Variants in MAP4K5 observed in about 807,000 individuals in gnomAD.
MAP4K5 encodes the protein mitogen-activated protein kinase kinase kinase kinase 5.
MAP4K5 carries 82 observed loss-of-function variants against 135.6 expected under a neutral mutation model. The ratio of observed to expected loss-of-function variants is 0.60; its 90% CI spans 0.51 to 0.73. MAP4K5 has a LOEUF of 0.73. Ranked by LOEUF, MAP4K5 falls within the 30% of genes least tolerant of loss-of-function variation. MAP4K5 has a pLI of 0.00. For missense variants in MAP4K5, 907 were observed against 1,010.9 expected (o/e 0.90, Z 1.39); for synonymous variants, 347 against 335.0 (o/e 1.04, Z -0.39).
chr14:50,440,012 C>A lies in MAP4K5; in HGVS notation c.1705+1G>T. The A allele has an allele frequency of 6.5e-7, 1 of 1,542,676 alleles. No homozygotes were observed. Among genetic ancestry groups the A allele is most frequent in the Non-Finnish European group, 8.8e-7 (1 of 1,132,290 alleles). The stretch of plus-strand genomic sequence containing the variant: ...TTTATTTTTCATCATCACATACATA[C>A]CTGATAATGACATTAAAGTATTATT... On this transcript the variant is annotated splice_donor_variant, in intron 23 of 32. Transcript: ENST00000682126. LOFTEE classifies it high-confidence loss of function.
At position 50,435,116 on chromosome 14, in the gene MAP4K5, T is replaced by C. The variant is rs1383461881; in HGVS notation, c.1883-51A>G. On this transcript the variant is annotated intron_variant, in intron 26 of 32. Transcript: ENST00000682126. ...ACCCAGACACACTCAAAATACTGAA[T>C]ACTTTCATTGTATCTGTTAACCAGG... 7.8e-6 allele frequency: 7 copies of C among 897,142 alleles called. No individual in the cohort carries two copies. In the African/African-American group the frequency reaches 1.2e-4, roughly 15 times the overall value. The allele number at this position is 897,142 out of a possible 1,614,324, so 55.6% of individuals were successfully genotyped here.
chr14:50,527,324 G>A (rs750451697), intron 2 of MAP4K5, among the ~76,000 whole-genome samples: 5 of 150,836 alleles, frequency 3.3e-5, no homozygotes, highest in African/African-American at 4.9e-5. Context: ...TGGCGACACT[G>A]CAAGACTCCG....
intron 3 of MAP4K5, among the ~76,000 whole-genome samples, chr14:50,493,538 T>A (rs1038496983): frequency 2.2e-4 from 34 of 152,018 alleles, no homozygotes; most frequent in Non-Finnish European, 4.0e-4. Context: ...GATGACACGA[T>A]CATATGTATA....
intron 31 of MAP4K5, among the ~76,000 whole-genome samples, chr14:50,424,645 G>T (rs781181534): frequency 1.3e-5 from 2 of 149,326 alleles, no homozygotes; most frequent in South Asian, 4.2e-4. Context: ...AGGAGGTGGA[G>T]GTTGCAGTGA....
chr14:50,436,794 G>C (rs1010182962), intron 26 of MAP4K5, among the ~76,000 whole-genome samples: 1 of 152,148 alleles, frequency 6.6e-6, no homozygotes, highest in African/African-American at 2.4e-5. Context: ...ATTAACCATA[G>C]GGAGAGGACA....
intron 2 of MAP4K5, among the ~76,000 whole-genome samples, chr14:50,513,895 A>G (rs936012116): frequency 6.6e-6 from 1 of 152,202 alleles, no homozygotes; most frequent in East Asian, 1.9e-4. Flanking sequence ...AGTCATAATT[A>G]TGTATTCCAG....
intron 11 of MAP4K5, 117 bp downstream of exon 11, chr14:50,466,466 T>C: frequency 2.0e-6 from 1 of 496,546 alleles, no homozygotes; most frequent in Non-Finnish European, 3.7e-6. Flanking sequence ...CTGTGTAACT[T>C]TGAGAAAACT....
chr14:50,507,541 TG>T (rs1379612582), intron 2 of MAP4K5, among the ~76,000 whole-genome samples: 1 of 152,256 alleles, frequency 6.6e-6, no homozygotes, highest in African/African-American at 2.4e-5. Flanking sequence ...GATTCTGGTA[TG>T]TTGTGTCTTT....
intron 3 of MAP4K5, among the ~76,000 whole-genome samples, chr14:50,494,191 CAG>C (rs1285454022): frequency 1.3e-5 from 2 of 150,978 alleles, no homozygotes; most frequent in African/African-American, 4.9e-5. Context: ...TTTTTTGAGA[CAG>C]AGTCTCGCCT....
intron 1 of MAP4K5, among the ~76,000 whole-genome samples, chr14:50,554,798 CAT>C (rs149361884): frequency 0.034 from 5,155 of 152,292 alleles, 91 homozygotes; most frequent in Middle Eastern, 0.058. Flanking sequence ...CTCACAAACT[CAT>C]CCACTCGCTG....
At chr14:50,512,060 A>G (rs2037940988) in intron 2 of MAP4K5, among the ~76,000 whole-genome samples, 1 of 152,178 alleles carries the variant, frequency 6.6e-6, no homozygotes, top group Non-Finnish European at 1.5e-5. Context: ...AGTTAATAAT[A>G]TATCAATATT....
chr14:50,534,375 T>C (rs972530152), upstream of MAP4K5, among the ~76,000 whole-genome samples: 2 of 152,218 alleles, frequency 1.3e-5, no homozygotes, highest in South Asian at 4.1e-4. Flanking sequence ...GAGTAACCAA[T>C]TGATCAAGAA....
chr14:50,550,177 A>G (rs1442307376), intron 1 of MAP4K5, among the ~76,000 whole-genome samples: 4 of 152,202 alleles, frequency 2.6e-5, no homozygotes, highest in African/African-American at 9.6e-5. Context: ...CATAGTGCAG[A>G]TTGCATAGGC....
chr14:50,461,170 C>T (rs554616656), intron 13 of MAP4K5, among the ~76,000 whole-genome samples: 7 of 152,102 alleles, frequency 4.6e-5, no homozygotes, highest in East Asian at 1.9e-4. Flanking sequence ...GGACTACAGG[C>T]GCCTGCCATC....
At chr14:50,496,084 G>A (rs1294709088) in intron 3 of MAP4K5, among the ~76,000 whole-genome samples, 2 of 152,176 alleles carry the variant, frequency 1.3e-5, no homozygotes, top group Non-Finnish European at 2.9e-5. Flanking sequence ...CAGCACTTTT[G>A]GAGGCCGAGG....
At chr14:50,506,290 T>C (rs1319368300) in intron 2 of MAP4K5, among the ~76,000 whole-genome samples, 2 of 152,014 alleles carry the variant, frequency 1.3e-5, no homozygotes, top group Non-Finnish European at 2.9e-5. Flanking sequence ...AGAAAAAGAA[T>C]AGAATGGGGG....
chr14:50,446,240 G>A, intron 16 of MAP4K5, 119 bp from the exon 17 acceptor site: 4 of 585,002 alleles, frequency 6.8e-6, no homozygotes, highest in East Asian at 3.5e-5. Context: ...GACAGATCAC[G>A]ATGCAGAGTA....
intron 9 of MAP4K5, chr14:50,472,648 G>GA (rs2036992609): frequency 6.6e-6 from 1 of 152,172 alleles, no homozygotes; most frequent in African/African-American, 2.4e-5. Flanking sequence ...AGTCATTTCT[G>GA]AAAATCCCTG....
At chr14:50,503,112 T>G (rs1388607619) in intron 3 of MAP4K5, among the ~76,000 whole-genome samples, 1 of 147,444 alleles carries the variant, frequency 6.8e-6, no homozygotes, top group Non-Finnish European at 1.5e-5. Flanking sequence ...ATAAGCAGAG[T>G]GCAAAGACAG....
Sources: allele counts gnomAD v4.1 joint callset (sites outside exome capture counted in the v4.1 genomes callset), GRCh38; gene constraint gnomAD v4.1.1; transcripts MANE v1.5; gene names NCBI Gene and HGNC (gene_info 2026-07-23, HGNC 2026-07-21).